STIM1: variants seen among roughly 807,000 people sequenced by gnomAD.
STIM1 encodes the protein stromal interaction molecule 1.
Under a neutral mutation model 74.7 loss-of-function variants are expected in STIM1, and 25 were observed. That is an observed-to-expected ratio of 0.33 (90% CI 0.24 to 0.47). The LOEUF is 0.47. Ranked by LOEUF, STIM1 falls within the 20% of genes least tolerant of loss-of-function variation. The pLI is 1.00. For missense variants in STIM1, 728 were observed against 920.8 expected (o/e 0.79, Z 2.71); for synonymous variants, 328 against 348.8 (o/e 0.94, Z 0.66).
chr11:3,857,199 A>G (rs2090418537), intron 1 of STIM1, among the ~76,000 whole-genome samples: 1 of 138,652 alleles, frequency 7.2e-6, no homozygotes, highest in Non-Finnish European at 1.5e-5. Flanking sequence ...GTGAAGGCTT[A>G]TCAGGCAGCA....
intron 5 of STIM1, among the ~76,000 whole-genome samples, chr11:4,062,830 A>G (rs1232949448): frequency 2.6e-5 from 4 of 152,200 alleles, no homozygotes; most frequent in Non-Finnish European, 5.9e-5. Context: ...TGTTGAAATT[A>G]GAATAATAGC....
chr11:4,064,890 G>GT (rs2094355396), intron 5 of STIM1, among the ~76,000 whole-genome samples: 1 of 152,174 alleles, frequency 6.6e-6, no homozygotes, highest in Admixed American at 6.5e-5. Flanking sequence ...GATGTTAGGT[G>GT]TGTTTGGAGA....
intron 1 of STIM1, among the ~76,000 whole-genome samples, chr11:3,950,340 G>A (rs1204757303): frequency 1.3e-5 from 2 of 152,050 alleles, no homozygotes; most frequent in Non-Finnish European, 2.9e-5. Context: ...CACCATGTTG[G>A]TCAGGCTGGT....
intron 3 of STIM1, among the ~76,000 whole-genome samples, chr11:4,029,964 G>C (rs1265609900): frequency 6.6e-6 from 1 of 152,078 alleles, no homozygotes; most frequent in Non-Finnish European, 1.5e-5. Context: ...GCTTAAAGTT[G>C]CAGTTTCCAA....
Position 3,867,573 on chromosome 11 carries a change from G to C in STIM1, c.139+11164G>C, listed in dbSNP as rs977608395. Among the ~76,000 whole-genome samples, 8 of 152,244 alleles carry C rather than the reference G, an allele frequency of 5.3e-5. No individual in the cohort carries two copies. The South Asian group carries it at 1.0e-3, about 20-fold the overall frequency. On this transcript the variant is annotated intron_variant, in intron 1 of 12. Coordinates refer to ENST00000526596, the MANE Select transcript of STIM1 (RefSeq NM_001382567.1). ...GGCTTGTTGTGCAGCAGAGAGATAG[G>C]ATAGTCCTGTGAAGATTGCTGGCTT...
chr11:4,016,787 TC>T (rs1226965406), intron 2 of STIM1, among the ~76,000 whole-genome samples: 6 of 151,956 alleles, frequency 3.9e-5, no homozygotes, highest in African/African-American at 1.5e-4. Flanking sequence ...TGGATGCCCC[TC>T]CCCCCACCAA....
At chr11:4,025,034 C>T (rs989121695) in intron 3 of STIM1, among the ~76,000 whole-genome samples, 2 of 152,230 alleles carry the variant, frequency 1.3e-5, no homozygotes, top group South Asian at 2.1e-4. Context: ...ATTTGAGGAA[C>T]CTTAGGCCTA....
At chr11:3,932,825 A>G (rs2092885814) in intron 1 of STIM1, among the ~76,000 whole-genome samples, 2 of 152,140 alleles carry the variant, frequency 1.3e-5, no homozygotes, top group African/African-American at 4.8e-5. Flanking sequence ...TGGACTTCCT[A>G]GCCTCTAGAA....
At chr11:4,074,236 T>A (rs2094423671) in intron 6 of STIM1, among the ~76,000 whole-genome samples, 1 of 152,176 alleles carries the variant, frequency 6.6e-6, no homozygotes, top group South Asian at 2.1e-4. Context: ...TAGTATGAGA[T>A]AGTTTCGAGG....
chr11:3,861,819 G>A (rs2090624272), intron 1 of STIM1, among the ~76,000 whole-genome samples: 1 of 152,146 alleles, frequency 6.6e-6, no homozygotes, highest in African/African-American at 2.4e-5. Context: ...TTCGTGTTAA[G>A]AACAGCTCTT....
chr11:3,859,306 C>T (rs185720659), intron 1 of STIM1, among the ~76,000 whole-genome samples: 76 of 152,320 alleles, frequency 5.0e-4, no homozygotes, highest in African/African-American at 1.8e-3. Flanking sequence ...GAGGCCATTC[C>T]TGTCACCCTT....
intron 12 of STIM1, 39 bp downstream of exon 12, chr11:4,086,582 G>A (rs201909433): frequency 3.1e-6 from 5 of 1,613,088 alleles, no homozygotes; most frequent in African/African-American, 1.3e-5. Flanking sequence ...TTGACAAGCC[G>A]GGTATCTCTG....
chr11:3,992,320 A>G (rs2093624593), intron 2 of STIM1, among the ~76,000 whole-genome samples: 1 of 151,764 alleles, frequency 6.6e-6, no homozygotes. Context: ...AGGCTGAGAC[A>G]TGAGAATGGC....
chr11:4,028,459 A>G (rs1369120804), intron 3 of STIM1, among the ~76,000 whole-genome samples: 1 of 142,638 alleles, frequency 7.0e-6, no homozygotes, highest in Non-Finnish European at 1.5e-5. Context: ...CCCAGGCTGG[A>G]GTGCAGTGGA....
intron 1 of STIM1, among the ~76,000 whole-genome samples, chr11:3,895,557 T>A (rs2092036314): frequency 6.6e-6 from 1 of 152,132 alleles, no homozygotes; most frequent in Non-Finnish European, 1.5e-5. Context: ...TAACCAAGTT[T>A]ATATAGCTAA....
chr11:3,961,915 A>G (rs2093290383), intron 1 of STIM1, among the ~76,000 whole-genome samples: 1 of 152,318 alleles, frequency 6.6e-6, no homozygotes. Context: ...ATCATGACCT[A>G]ACATTTAGTG....
At chr11:4,085,543 G>A (rs554622276) in intron 11 of STIM1, among the ~76,000 whole-genome samples, 5 of 152,264 alleles carry the variant, frequency 3.3e-5, no homozygotes, top group Middle Eastern at 6.8e-3. Context: ...ATTGGAAAGC[G>A]AAAAAGAGTG....
intron 1 of STIM1, among the ~76,000 whole-genome samples, chr11:3,892,043 G>C (rs916256384): frequency 5.3e-5 from 8 of 152,152 alleles, no homozygotes; most frequent in African/African-American, 1.9e-4. Context: ...ATAGAAATTT[G>C]GTAAATGTTT....
chr11:3,914,093 A>G (rs2092606576), intron 1 of STIM1, among the ~76,000 whole-genome samples: 2 of 152,124 alleles, frequency 1.3e-5, no homozygotes, highest in South Asian at 2.1e-4. Context: ...CATCATCCCA[A>G]ACAGAAACTT....
Sources: allele counts gnomAD v4.1 joint callset (sites outside exome capture counted in the v4.1 genomes callset), GRCh38; gene constraint gnomAD v4.1.1; transcripts MANE v1.5; gene names NCBI Gene and HGNC (gene_info 2026-07-23, HGNC 2026-07-21).